Variants in NRG3 observed in about 807,000 individuals in gnomAD.
NRG3 encodes the protein pro-neuregulin-3, membrane-bound isoform.
Under a neutral mutation model 66.9 loss-of-function variants are expected in NRG3, and 31 were observed. That is an observed-to-expected ratio of 0.46 (90% CI 0.35 to 0.63). NRG3 has a LOEUF of 0.63. Among genes scored for constraint, NRG3 ranks in the 20% least tolerant of loss-of-function variants. The probability of loss-of-function intolerance (pLI) is 0.00; values close to 1 mark genes in which losing one functional copy is unlikely to be tolerated. For missense variants in NRG3, 910 were observed against 878.9 expected (o/e 1.04, Z -0.45); for synonymous variants, 393 against 359.4 (o/e 1.09, Z -1.06).
In NRG3 at chr10:82,985,215, A is replaced by G; in HGVS notation, c.1701A>G (p.Ser567=). 1 of 1,614,172 alleles carries G rather than the reference A, an allele frequency of 6.2e-7. No homozygotes were observed. Among genetic ancestry groups the G allele is most frequent in the Non-Finnish European group, 8.5e-7 (1 of 1,180,008 alleles). ...SLEQKDLVGY[S]STRASSVPII... ...AGCAAAAGGACCTGGTGGGCTATTC[A>G]TCCACAAGGGCCAGTTCTGTGCCCA... The change falls in exon 9 of 9, where the codon TCA becomes TCG. Residue 567 remains serine (S), a synonymous_variant. Coordinates refer to ENST00000372141, the MANE Select transcript of NRG3 (RefSeq NM_001010848.4).
chr10:82,828,323 T>C (rs1478799554), intron 3 of NRG3, among the ~76,000 whole-genome samples: 1 of 152,178 alleles, frequency 6.6e-6, no homozygotes, highest in East Asian at 1.9e-4. Context: ...CTAACATTGC[T>C]TACTTCTGCC....
intron 2 of NRG3, among the ~76,000 whole-genome samples, chr10:82,477,740 T>C (rs1320566988): frequency 6.6e-6 from 1 of 152,016 alleles, no homozygotes; most frequent in Non-Finnish European, 1.5e-5. Context: ...AAGGCTGAAA[T>C]TAGGGAGATC....
intron 4 of NRG3, among the ~76,000 whole-genome samples, chr10:82,935,749 A>G (rs1848002967): frequency 6.6e-6 from 1 of 151,908 alleles, no homozygotes; most frequent in African/African-American, 2.4e-5. Flanking sequence ...TCAACCTCCC[A>G]TGTAGCTGGG....
At chr10:82,025,612 C>G (rs554660950) in intron 1 of NRG3, among the ~76,000 whole-genome samples, 2 of 152,194 alleles carry the variant, frequency 1.3e-5, no homozygotes, top group South Asian at 4.1e-4. Context: ...TTAGCAGGGA[C>G]TGCCTGTTCC....
chr10:81,877,031 T>G (rs1841729184), intron 1 of NRG3, among the ~76,000 whole-genome samples: 1 of 152,074 alleles, frequency 6.6e-6, no homozygotes, highest in South Asian at 2.1e-4. Flanking sequence ...ATAGACGAGT[T>G]GAGAGTTTTC....
chr10:82,012,529 A>G (rs1046413269), intron 1 of NRG3, among the ~76,000 whole-genome samples: 16 of 152,186 alleles, frequency 1.1e-4, no homozygotes, highest in African/African-American at 3.4e-4. Context: ...TTTCTTTTCT[A>G]TCACATTGTC....
chr10:82,879,678 G>C lies in NRG3; in HGVS notation c.1054+14241G>C, dbSNP rs542446907. Among the ~76,000 whole-genome samples the C allele has an allele frequency of 1.6e-3, 247 of 151,898 alleles. 1 individual carries two copies. In the Middle Eastern group the frequency reaches 0.034, roughly 21 times the overall value. On this transcript the variant is annotated intron_variant, in intron 4 of 8. Coordinates refer to ENST00000372141, the MANE Select transcript of NRG3 (RefSeq NM_001010848.4). ...TTTTAGTAGAGATGGGGGTTTCACC[G>C]TGTTAGCCAGGATGGTCTCGATCTC... is the stretch of plus-strand genomic sequence containing the variant.
Position 81,973,187 on chromosome 10 carries a change from T to C in NRG3, c.823+97024T>C, listed in dbSNP as rs556069198. On this transcript the variant is annotated intron_variant, in intron 1 of 8. Transcript: ENST00000372141. ...TTTTGTTTTCTGTTCCTGTGCTAAT[T>C]GCTAAAGATAGTGGCCTCCAGCTTC... Among the ~76,000 whole-genome samples, 5 of 152,298 alleles carry C rather than the reference T, an allele frequency of 3.3e-5. No individual in the cohort carries two copies. The East Asian group carries it at 9.7e-4, about 29-fold the overall frequency.
intron 1 of NRG3, among the ~76,000 whole-genome samples, chr10:82,220,672 A>C (rs1263472101): frequency 6.6e-6 from 1 of 152,206 alleles, no homozygotes; most frequent in Non-Finnish European, 1.5e-5. Flanking sequence ...CATGCCATAT[A>C]ACTATTTTTG....
intron 1 of NRG3, among the ~76,000 whole-genome samples, chr10:82,152,381 A>G (rs900020260): frequency 6.6e-6 from 1 of 152,184 alleles, no homozygotes; most frequent in African/African-American, 2.4e-5. Flanking sequence ...ATAGTTTGGC[A>G]CACAATTTGC....
intron 1 of NRG3, among the ~76,000 whole-genome samples, chr10:81,989,792 A>G (rs1564716717): frequency 1.3e-5 from 2 of 152,014 alleles, no homozygotes; most frequent in African/African-American, 4.8e-5. Flanking sequence ...GTGACCAACA[A>G]GTTATTGATG....
Position 82,133,560 on chromosome 10 carries a change from C to T in NRG3, c.824-225179C>T, listed in dbSNP as rs893530447. Among the ~76,000 whole-genome samples, 3 of 152,286 alleles carry T rather than the reference C, an allele frequency of 2.0e-5. No individual in the cohort carries two copies. The East Asian group carries it at 5.8e-4, about 29-fold the overall frequency. Reference sequence around the variant, plus strand: ...GTTTACTGAGGACAGTAGCCTCCAGCTCCATCCATATTCTCACCAAAGACA... The same window carrying T: ...GTTTACTGAGGACAGTAGCCTCCAGTTCCATCCATATTCTCACCAAAGACA... On this transcript the variant is annotated intron_variant, in intron 1 of 8. Transcript: ENST00000372141.
chr10:82,187,767 G>A (rs1441934043), intron 1 of NRG3, among the ~76,000 whole-genome samples: 8 of 152,046 alleles, frequency 5.3e-5, no homozygotes, highest in East Asian at 3.9e-4. Context: ...TGAAAGGATC[G>A]TATTCTATAA....
intron 3 of NRG3, among the ~76,000 whole-genome samples, chr10:82,864,045 G>T (rs2064287008): frequency 6.6e-6 from 1 of 152,036 alleles, no homozygotes; most frequent in Admixed American, 6.6e-5. Context: ...GGTTCATAAG[G>T]CAAATTGATA....
chr10:82,209,485 G>T (rs777558330), intron 1 of NRG3, among the ~76,000 whole-genome samples: 3 of 152,116 alleles, frequency 2.0e-5, no homozygotes, highest in Admixed American at 6.6e-5. Context: ...ACACTTTAAA[G>T]ATTATGTTTA....
chr10:82,317,346 C>G (rs1008744369), intron 1 of NRG3, among the ~76,000 whole-genome samples: 1 of 151,516 alleles, frequency 6.6e-6, no homozygotes, highest in Non-Finnish European at 1.5e-5. Context: ...GAATTTTTTT[C>G]TCTTTAGTCC....
chr10:82,008,806 A>C (rs1306879416), intron 1 of NRG3, among the ~76,000 whole-genome samples: 1 of 152,220 alleles, frequency 6.6e-6, no homozygotes, highest in Non-Finnish European at 1.5e-5. Context: ...ACCAGGAAGA[A>C]TGCAATGCAA....
intron 3 of NRG3, among the ~76,000 whole-genome samples, chr10:82,762,986 G>T (rs1328086937): frequency 1.3e-5 from 2 of 152,124 alleles, no homozygotes; most frequent in East Asian, 3.9e-4. Context: ...AAATGCATTT[G>T]ATTTGTATAA....
intron 1 of NRG3, chr10:81,889,541 C>A (rs1031471942): frequency 1.3e-5 from 2 of 152,172 alleles, no homozygotes; most frequent in Non-Finnish European, 2.9e-5. Context: ...TCATCACTCT[C>A]GCCTGCTCAG....
Sources: allele counts gnomAD v4.1 joint callset (sites outside exome capture counted in the v4.1 genomes callset), GRCh38; gene constraint gnomAD v4.1.1; transcripts MANE v1.5; gene names NCBI Gene and HGNC (gene_info 2026-07-23, HGNC 2026-07-21).